Variants in GULP1 observed in about 807,000 individuals in gnomAD.
GULP1 encodes the protein PTB domain-containing engulfment adapter protein 1.
In GULP1, 19 loss-of-function variants were observed where a neutral mutation model predicts 40.9. The ratio of observed to expected loss-of-function variants is 0.46; its 90% CI spans 0.32 to 0.68. GULP1 has a LOEUF of 0.68. GULP1 is among the 30% of genes least tolerant of loss of function. The pLI, the probability that GULP1 is intolerant of heterozygous loss-of-function variation, is 0.03. For missense variants in GULP1, 312 were observed against 362.2 expected (o/e 0.86, Z 1.12); for synonymous variants, 119 against 117.6 (o/e 1.01, Z -0.08).
At chr2:188,309,395 G>A (rs1005254795) in intron 1 of GULP1, among the ~76,000 whole-genome samples, 3 of 150,874 alleles carry the variant, frequency 2.0e-5, no homozygotes, top group Non-Finnish European at 4.4e-5. Flanking sequence ...GAGCCTGGGA[G>A]GTTGAGGCTG....
chr2:188,368,959 A>G lies in GULP1; in HGVS notation c.-171-14804A>G, dbSNP rs528997138. Reference sequence around the variant, plus strand: ...TGTGTGTATATATATATATATATATATATATATATATATATATATTTGAGA... The same window carrying G: ...TGTGTGTATATATATATATATATATGTATATATATATATATATATTTGAGA... On this transcript the variant is annotated intron_variant, in intron 1 of 11. Transcript: ENST00000409830. Among the ~76,000 whole-genome samples, 230 of 132,774 alleles carry G rather than the reference A, an allele frequency of 1.7e-3. 4 individuals carry two copies. The highest frequency in any genetic ancestry group is 6.3e-3 in the African/African-American group (221 of 34,842). The allele number at this position is 132,774 out of a possible 152,430, so 87.1% of individuals were successfully genotyped here.
chr2:188,574,842 T>C (rs1162984968), intron 9 of GULP1, among the ~76,000 whole-genome samples: 2 of 152,150 alleles, frequency 1.3e-5, no homozygotes, highest in Non-Finnish European at 2.9e-5. Context: ...CTATGTTAAA[T>C]CATAAATTTA....
intron 1 of GULP1, among the ~76,000 whole-genome samples, chr2:188,323,625 T>C (rs1305137033): frequency 6.7e-6 from 1 of 150,304 alleles, no homozygotes; most frequent in Non-Finnish European, 1.5e-5. Context: ...AATGAAAATG[T>C]GCCATTAAGG....
chr2:188,327,106 A>G (rs1200856557), intron 1 of GULP1, among the ~76,000 whole-genome samples: 2 of 152,298 alleles, frequency 1.3e-5, no homozygotes, highest in Non-Finnish European at 2.9e-5. Context: ...CTGGTGTCAG[A>G]TTCTAGATAA....
intron 2 of GULP1, among the ~76,000 whole-genome samples, chr2:188,394,568 C>A (rs891002107): frequency 6.6e-6 from 1 of 152,028 alleles, no homozygotes; most frequent in Non-Finnish European, 1.5e-5. Context: ...TGGAGAGCTA[C>A]TGTGATTTTT....
At chr2:188,306,903 A>G (rs2037185853) in intron 1 of GULP1, among the ~76,000 whole-genome samples, 1 of 152,172 alleles carries the variant, frequency 6.6e-6, no homozygotes, top group East Asian at 1.9e-4. Context: ...CAAGATATTA[A>G]AGAAGAAATA....
chr2:188,416,992 C>CTT (rs749653956), intron 2 of GULP1, among the ~76,000 whole-genome samples: 1 of 152,118 alleles, frequency 6.6e-6, no homozygotes, highest in Non-Finnish European at 1.5e-5. Context: ...GGAAAATACT[C>CTT]TTTGTCTACA....
intron 2 of GULP1, among the ~76,000 whole-genome samples, chr2:188,465,610 C>T (rs2060044830): frequency 6.6e-6 from 1 of 152,270 alleles, no homozygotes; most frequent in Admixed American, 6.5e-5. Context: ...CTTGGGGGAA[C>T]TGAAGTTCCA....
intron 3 of GULP1, among the ~76,000 whole-genome samples, 189 bp downstream of exon 3, chr2:188,477,919 A>C (rs1010925019): frequency 6.6e-6 from 1 of 152,184 alleles, no homozygotes; most frequent in African/African-American, 2.4e-5. Flanking sequence ...GTGAAAGATC[A>C]AAGTTGTTTA....
At chr2:188,347,737 T>C (rs544356559) in intron 1 of GULP1, among the ~76,000 whole-genome samples, 118 of 152,102 alleles carry the variant, frequency 7.8e-4, no homozygotes, top group Admixed American at 1.2e-3. Flanking sequence ...CCTCATACTC[T>C]TGAATAATTG....
chr2:188,333,712 C>G (rs932859641), intron 1 of GULP1, among the ~76,000 whole-genome samples: 7 of 152,062 alleles, frequency 4.6e-5, no homozygotes, highest in Non-Finnish European at 7.4e-5. Context: ...TACTAGTGTT[C>G]TCTTACTTGA....
chr2:188,344,856 A>T (rs2043419062), intron 1 of GULP1, among the ~76,000 whole-genome samples: 1 of 152,230 alleles, frequency 6.6e-6, no homozygotes, highest in African/African-American at 2.4e-5. Context: ...ACACACATAT[A>T]TGTACATATA....
chr2:188,474,769 C>T (rs1575486582), intron 2 of GULP1, among the ~76,000 whole-genome samples: 2 of 151,976 alleles, frequency 1.3e-5, no homozygotes, highest in Admixed American at 6.6e-5. Context: ...GTTGGGGAGA[C>T]GATTGGTGGA....
intron 4 of GULP1, among the ~76,000 whole-genome samples, chr2:188,506,699 C>T (rs1194464307): frequency 2.0e-5 from 3 of 151,886 alleles, no homozygotes; most frequent in Non-Finnish European, 4.4e-5. Context: ...CACAGATTCC[C>T]CTTAAATTCT....
chr2:188,366,204 T>A (rs1376193315), intron 1 of GULP1, among the ~76,000 whole-genome samples: 1 of 152,148 alleles, frequency 6.6e-6, no homozygotes, highest in African/African-American at 2.4e-5. Flanking sequence ...AGAAATTTTA[T>A]GCTGAATAGT....
chr2:188,437,430 C>T (rs947958361), intron 2 of GULP1, among the ~76,000 whole-genome samples: 1 of 151,984 alleles, frequency 6.6e-6, no homozygotes, highest in African/African-American at 2.4e-5. Context: ...ATTTGTTTGG[C>T]AATCAAAGTA....
intron 4 of GULP1, among the ~76,000 whole-genome samples, chr2:188,486,706 G>A (rs2061891440): frequency 6.6e-6 from 1 of 151,778 alleles, no homozygotes; most frequent in Admixed American, 6.6e-5. Flanking sequence ...AATAATAAAT[G>A]GTTTAAAATA....
At chr2:188,405,462 C>T (rs2052944398) in intron 2 of GULP1, among the ~76,000 whole-genome samples, 1 of 152,120 alleles carries the variant, frequency 6.6e-6, no homozygotes, top group Admixed American at 6.5e-5. Context: ...CCCACTCCAG[C>T]CTCAGGTCAG....
intron 7 of GULP1, among the ~76,000 whole-genome samples, chr2:188,565,768 A>G (rs1327905944): frequency 6.6e-6 from 1 of 152,126 alleles, no homozygotes; most frequent in Non-Finnish European, 1.5e-5. Context: ...AAGAACTGAC[A>G]AAACCATGAA....
Sources: allele counts gnomAD v4.1 joint callset (sites outside exome capture counted in the v4.1 genomes callset), GRCh38; gene constraint gnomAD v4.1.1; transcripts MANE v1.5; gene names NCBI Gene and HGNC (gene_info 2026-07-23, HGNC 2026-07-21).